Variants in CDC73 observed in about 807,000 individuals in gnomAD.
CDC73 encodes parafibromin.
A neutral mutation model predicts 83.7 loss-of-function variants in CDC73; 21 were observed. The ratio of observed to expected loss-of-function variants is 0.25; its 90% CI spans 0.18 to 0.36. The LOEUF (loss-of-function observed/expected upper bound fraction) is 0.36. Ranked by LOEUF, CDC73 falls within the 10% of genes least tolerant of loss-of-function variation. The pLI, the probability that CDC73 is intolerant of heterozygous loss-of-function variation, is 1.00. For synonymous variants in CDC73, 224 were observed against 212.9 expected (o/e 1.05, Z -0.45); for missense variants, 342 against 653.3 (o/e 0.52, Z 5.19).
At chr1:193,244,742 G>A (rs1677924422) in intron 15 of CDC73, among the ~76,000 whole-genome samples, 1 of 151,884 alleles carries the variant, frequency 6.6e-6, no homozygotes, top group Non-Finnish European at 1.5e-5. Context: ...CCTGCTTCTA[G>A]ATAATCTTGA....
chr1:193,129,410 G>T (rs1316998151), intron 2 of CDC73, among the ~76,000 whole-genome samples: 1 of 151,934 alleles, frequency 6.6e-6, no homozygotes, highest in Non-Finnish European at 1.5e-5. Flanking sequence ...GGGATTACAG[G>T]TGTGGGCCAC....
chr1:193,238,374 T>C (rs770086632), intron 15 of CDC73, among the ~76,000 whole-genome samples: 19 of 152,230 alleles, frequency 1.2e-4, no homozygotes, highest in Non-Finnish European at 2.1e-4. Context: ...CATTTTCTGT[T>C]CATATCCCCT....
rs1331952455 is a variant in CDC73, at chr1:193,249,715, C to A, written c.1418-15C>A. On this transcript the variant is annotated splice_polypyrimidine_tract_variant and intron_variant, in intron 15 of 16. Coordinates refer to ENST00000367435, the MANE Select transcript of CDC73 (RefSeq NM_024529.5). ...TTTGAGTAAAAATGATAACTTCTCT[C>A]CACCCTCTCTATAGTTAAAGCCTTC... The A allele has an allele frequency of 6.3e-7, 1 of 1,598,066 alleles. No homozygotes were observed. Among genetic ancestry groups the A allele is most frequent in the Non-Finnish European group, 8.6e-7 (1 of 1,166,160 alleles).
chr1:193,153,710 GT>G lies in CDC73; in HGVS notation c.972+1271del, dbSNP rs1406271216. Among the ~76,000 whole-genome samples the G allele has an allele frequency of 3.9e-5, 6 of 152,230 alleles. No homozygotes were observed. The East Asian group carries it at 9.6e-4, about 24-fold the overall frequency. ...TTGTTTTTAAATTGTCATCAGATTTGTTTTTGTATTATTAAATTATGTGTAG... is the reference window on the plus strand; with the variant it reads ...TTGTTTTTAAATTGTCATCAGATTTGTTTTGTATTATTAAATTATGTGTAG... On this transcript the variant is annotated intron_variant, in intron 10 of 16. Transcript: ENST00000367435.
intron 10 of CDC73, among the ~76,000 whole-genome samples, chr1:193,171,636 G>T (rs555954860): frequency 6.6e-6 from 1 of 152,208 alleles, no homozygotes; most frequent in Admixed American, 6.5e-5. Flanking sequence ...CTTCTCTTCT[G>T]CTGTGTTTCT....
At chr1:193,138,303 G>A (rs1675837048) in intron 6 of CDC73, 130 bp downstream of exon 6, 1 of 724,686 alleles carries the variant, frequency 1.4e-6, no homozygotes, top group East Asian at 2.7e-5. Flanking sequence ...TTGCTCTTAA[G>A]TTCGTAAGAA....
chr1:193,133,188 A>C (rs1031427526), intron 3 of CDC73, among the ~76,000 whole-genome samples: 2 of 152,158 alleles, frequency 1.3e-5, no homozygotes, highest in African/African-American at 4.8e-5. Flanking sequence ...GGTGTGAGCC[A>C]CCGCGCCTGG....
At chr1:193,167,150 A>G (rs1481676833) in intron 10 of CDC73, among the ~76,000 whole-genome samples, 3 of 152,196 alleles carry the variant, frequency 2.0e-5, no homozygotes, top group Non-Finnish European at 4.4e-5. Flanking sequence ...GTGTAGTAGA[A>G]TTCTTAGATG....
chr1:193,147,053 C>T (rs1020989577), intron 7 of CDC73, among the ~76,000 whole-genome samples: 5 of 151,648 alleles, frequency 3.3e-5, no homozygotes, highest in South Asian at 2.1e-4. Context: ...AGTGCAGTGG[C>T]GCTATCACGG....
chr1:193,152,550 T>G, intron 10 of CDC73, 106 bp downstream of exon 10: 2 of 756,682 alleles, frequency 2.6e-6, no homozygotes, highest in Admixed American at 4.1e-5. Flanking sequence ...TCAAACATTT[T>G]TCTTTATTGA....
intron 10 of CDC73, among the ~76,000 whole-genome samples, chr1:193,174,630 C>T (rs546233720): frequency 3.3e-5 from 5 of 152,178 alleles, no homozygotes; most frequent in African/African-American, 1.2e-4. Context: ...TCATACATTG[C>T]TTGGTGATTC....
intron 15 of CDC73, among the ~76,000 whole-genome samples, chr1:193,248,998 A>AT (rs1192736978): frequency 2.0e-5 from 3 of 152,102 alleles, no homozygotes; most frequent in African/African-American, 7.2e-5. Context: ...ATTAACTCCA[A>AT]TTTTAAAGGA....
At chr1:193,177,625 T>C (rs908069017) in intron 10 of CDC73, among the ~76,000 whole-genome samples, 36 of 152,162 alleles carry the variant, frequency 2.4e-4, no homozygotes, top group African/African-American at 8.4e-4. Context: ...ACACGAGTCC[T>C]TCCTGTCTTA....
At chr1:193,220,163 T>A (rs1297481301) in intron 13 of CDC73, among the ~76,000 whole-genome samples, 1 of 138,816 alleles carries the variant, frequency 7.2e-6, no homozygotes, top group Non-Finnish European at 1.6e-5. Flanking sequence ...ATAACTTTTT[T>A]TTTTTTTTTT....
At chr1:193,180,697 T>C (rs1205657252) in intron 10 of CDC73, 4 of 1,613,988 alleles carry the variant, frequency 2.5e-6, no homozygotes, top group Non-Finnish European at 2.5e-6. Context: ...TTTGTTTCGA[T>C]TGGGTGCATA....
At position 193,233,224 on chromosome 1, in the gene CDC73, G is replaced by A. The variant is rs891895085; in HGVS notation, c.1316+70G>A. ...CAAGAGAATGAATGTTGTTATTGCC[G>A]TTGATGACGTTGCTTTTTAAGAGAT... On this transcript the variant is annotated intron_variant, in intron 14 of 16. Transcript: ENST00000367435. 3.9e-5 allele frequency: 54 copies of A among 1,383,960 alleles called. No homozygotes were observed. The Admixed American group carries it at 4.2e-4, about 11-fold the overall frequency. 85.7% of individuals were successfully genotyped at this position (1,383,960 alleles called of 1,614,324 possible).
intron 10 of CDC73, chr1:193,181,482 A>C: frequency 6.2e-7 from 1 of 1,614,020 alleles, no homozygotes; most frequent in Non-Finnish European, 8.5e-7. Flanking sequence ...GTACTCCAAT[A>C]AGATGAGTGC....
chr1:193,165,764 A>C (rs1191526129), intron 10 of CDC73, among the ~76,000 whole-genome samples: 3 of 152,214 alleles, frequency 2.0e-5, no homozygotes, highest in African/African-American at 7.2e-5. Flanking sequence ...CCACATATGC[A>C]TAAAATTGAT....
Position 193,236,373 on chromosome 1 carries a change from AT to A in CDC73, c.1417+20del. 7.1e-7 allele frequency: 1 copy of A among 1,400,962 alleles called. No individual in the cohort carries two copies. The allele number at this position is 1,400,962 out of a possible 1,614,324, so 86.8% of individuals were successfully genotyped here. A position where few individuals can be genotyped will look rare whatever the true frequency, so the allele number is the denominator to read the frequency against. On this transcript the variant is annotated intron_variant, in intron 15 of 16. Transcript: ENST00000367435. ...TTGCTAAAAGTAAGATTCTCTTTGT[AT>A]TTACTGTATCCAGTATAGAAATGTT...
Sources: allele counts gnomAD v4.1 joint callset (sites outside exome capture counted in the v4.1 genomes callset), GRCh38; gene constraint gnomAD v4.1.1; transcripts MANE v1.5; gene names NCBI Gene and HGNC (gene_info 2026-07-23, HGNC 2026-07-21).